Variants in TRAP1 observed in about 807,000 individuals in gnomAD.
TRAP1 encodes heat shock protein 75 kDa, mitochondrial.
Under a neutral mutation model 89.1 loss-of-function variants are expected in TRAP1, and 102 were observed. The observed-to-expected ratio is 1.15, with a 90% confidence interval of 0.98 to 1.35. The LOEUF is 1.35. TRAP1 is among the 40% of genes most tolerant of loss of function. The probability of loss-of-function intolerance (pLI) is 0.00; values close to 1 mark genes in which losing one functional copy is unlikely to be tolerated. For missense variants in TRAP1, 1,256 were observed against 945.3 expected, an observed-to-expected ratio of 1.33 and a Z score of -4.31; for synonymous variants, 508 against 388.0, an observed-to-expected ratio of 1.31 and a Z score of -3.64.
intron 1 of TRAP1, among the ~76,000 whole-genome samples, chr16:3,701,692 G>A (rs573506409): frequency 6.6e-6 from 1 of 152,160 alleles, no homozygotes; most frequent in Non-Finnish European, 1.5e-5. Flanking sequence ...GAGCTATGTA[G>A]TGAGTAACAG....
chr16:3,658,637 C>T, intron 17 of TRAP1, 156 bp downstream of exon 17: 3 of 717,688 alleles, frequency 4.2e-6, no homozygotes, highest in Non-Finnish European at 4.6e-6. Context: ...CGCGCCACTG[C>T]ACTCCAGCCT....
chr16:3,662,287 C>G (rs2043126693), intron 15 of TRAP1, 155 bp from the exon 16 acceptor site: 2 of 909,042 alleles, frequency 2.2e-6, no homozygotes, highest in East Asian at 5.4e-5. Flanking sequence ...CCATTACCCA[C>G]TAACTTGTGG....
chr16:3,681,955 C>G (rs192709598), intron 4 of TRAP1, among the ~76,000 whole-genome samples: 111 of 152,230 alleles, frequency 7.3e-4, no homozygotes, highest in Non-Finnish European at 1.5e-3. Flanking sequence ...AATTTTAAGA[C>G]TTCCTATAAA....
chr16:3,672,266 A>G (rs1324440656), intron 10 of TRAP1, among the ~76,000 whole-genome samples: 1 of 152,086 alleles, frequency 6.6e-6, no homozygotes, highest in African/African-American at 2.4e-5. Flanking sequence ...AGGAGGTTGC[A>G]GTGAGCCACG....
chr16:3,665,961 G>C lies in TRAP1; in HGVS notation c.1383+10C>G, dbSNP rs749836303. ...GGCCCAGAAAAAGGCCTGGAACACA[G>C]CTCCTATACCTTGACCTCCTGCTCG... is the stretch of plus-strand genomic sequence containing the variant. On this transcript the variant is annotated intron_variant, in intron 12 of 17. Coordinates refer to ENST00000246957, the MANE Select transcript of TRAP1 (RefSeq NM_016292.3). The C allele has an allele frequency of 6.8e-6, 11 of 1,610,256 alleles. No individual in the cohort carries two copies. The highest frequency in any genetic ancestry group is 1.7e-4 in the Middle Eastern group (1 of 6,036).
At position 3,670,382 on chromosome 16, in the gene TRAP1, C is replaced by CAAA. The variant is rs760902038; in HGVS notation, c.1235+1337_1235+1339dup. 9.8e-3 allele frequency among the ~76,000 whole-genome samples: 224 copies of CAAA among 22,824 alleles called. 23 individuals carry two copies. Among genetic ancestry groups the CAAA allele is most frequent in the East Asian group, 0.04 (25 of 618 alleles). 15.0% of individuals were successfully genotyped at this position (22,824 alleles called of 152,430 possible). On this transcript the variant is annotated intron_variant, in intron 11 of 17. Transcript: ENST00000246957. The stretch of plus-strand genomic sequence containing the variant: ...TGGGCGACAGAGCAAGACTCCGTCT[C>CAAA]AAAAAAAAAAAAAAAAAAAAAAAAA...
chr16:3,692,315 C>T (rs987823633), intron 1 of TRAP1, among the ~76,000 whole-genome samples: 1 of 152,118 alleles, frequency 6.6e-6, no homozygotes, highest in African/African-American at 2.4e-5. Context: ...GTAGGCGGAT[C>T]ACATGAGGTC....
chr16:3,689,297 T>C (rs1171723833), intron 2 of TRAP1, among the ~76,000 whole-genome samples, 160 bp from the exon 3 acceptor site: 2 of 146,418 alleles, frequency 1.4e-5, no homozygotes, highest in Non-Finnish European at 3.0e-5. Flanking sequence ...CAGGCTGGAG[T>C]ACAGTGGCAC....
chr16:3,691,948 G>T (rs1016643001), intron 1 of TRAP1, among the ~76,000 whole-genome samples: 1 of 152,060 alleles, frequency 6.6e-6, no homozygotes, highest in African/African-American at 2.4e-5. Context: ...GTCCCCAGCC[G>T]CACGCAGTTC....
intron 4 of TRAP1, 197 bp from the exon 5 acceptor site, chr16:3,679,987 T>C: frequency 1.8e-6 from 1 of 569,426 alleles, no homozygotes. Context: ...CCCAGCACTA[T>C]GGGAGGCCAA....
chr16:3,659,314 G>A (rs2042928432), intron 16 of TRAP1: 1 of 155,680 alleles, frequency 6.4e-6, no homozygotes, highest in Non-Finnish European at 1.4e-5. Flanking sequence ...TTTCACAGAA[G>A]AGGGAGGAGA....
chr16:3,677,369 G>C lies in TRAP1; in HGVS notation c.704+129C>G, dbSNP rs374939484. 1.3e-5 allele frequency: 16 copies of C among 1,253,450 alleles called. No homozygotes were observed. In the African/African-American group the frequency reaches 2.2e-4, roughly 18 times the overall value. 77.6% of individuals were successfully genotyped at this position (1,253,450 alleles called of 1,614,324 possible). ...AAGTCACTAACTCCCCAAAATGGGAGAGTCAGATTTCATATAAAAAGCCCA... is the reference window on the plus strand; with the variant it reads ...AAGTCACTAACTCCCCAAAATGGGACAGTCAGATTTCATATAAAAAGCCCA... On this transcript the variant is annotated intron_variant, in intron 6 of 17. Transcript: ENST00000246957.
chr16:3,679,580 G>T, intron 5 of TRAP1, 139 bp downstream of exon 5: 1 of 831,018 alleles, frequency 1.2e-6, no homozygotes, highest in Non-Finnish European at 2.0e-6. Context: ...GTCATGTCAT[G>T]AGGTGTTCCC....
chr16:3,680,057 C>G (rs1190046768), intron 4 of TRAP1: 1 of 353,280 alleles, frequency 2.8e-6, no homozygotes, highest in Non-Finnish European at 5.4e-6. Flanking sequence ...TGGTAAAACC[C>G]CATCTCTACT....
intron 1 of TRAP1, among the ~76,000 whole-genome samples, chr16:3,693,446 G>A (rs1424239418): frequency 6.6e-6 from 1 of 151,782 alleles, no homozygotes; most frequent in East Asian, 1.9e-4. Flanking sequence ...TTTGGCATTA[G>A]AGGAGTTCGC....
chr16:3,659,979 G>C (rs1368115428), intron 16 of TRAP1: 1 of 152,096 alleles, frequency 6.6e-6, no homozygotes, highest in Admixed American at 6.6e-5. Flanking sequence ...CACCCGCCTA[G>C]GCCTCCCAAA....
intron 11 of TRAP1, among the ~76,000 whole-genome samples, chr16:3,668,847 G>A (rs3794700): frequency 0.18 from 27,549 of 152,088 alleles, 3,841 homozygotes; most frequent in African/African-American, 0.37. Context: ...GTTTATGCAG[G>A]CTCAGCACAG....
intron 15 of TRAP1, chr16:3,662,521 C>G (rs1240678242): frequency 1.9e-5 from 10 of 528,552 alleles, no homozygotes; most frequent in Non-Finnish European, 3.5e-5. Context: ...GAAGCCCACC[C>G]AAAACCCCCG....
rs759879283 is a variant in TRAP1 at position 3,658,814 on chromosome 16, C to T, written c.1992G>A (p.Leu664=). ...LNQLRASEPG[L]AQLLVDQIYE... is the part of the protein sequence containing the mutation. ...TCACCTGATCCACCAGCAGCTGAGC[C>T]AGGCCAGGCTCGCTTGCGCGCAGCT... is the stretch of plus-strand genomic sequence containing the variant. Residue 664 remains leucine (L), a synonymous_variant, in exon 17 of 18, where the codon CTG becomes CTA. Coordinates refer to ENST00000246957, the MANE Select transcript of TRAP1 (RefSeq NM_016292.3). 3 of 1,613,874 alleles carry T rather than the reference C, an allele frequency of 1.9e-6. No homozygotes were observed. Among genetic ancestry groups the T allele is most frequent in the East Asian group, 2.2e-5 (1 of 44,882 alleles).
Sources: gnomAD v4.1 joint callset for allele counts (sites outside exome capture counted in the v4.1 genomes callset) on GRCh38, gnomAD v4.1.1 for gene constraint, MANE v1.5 for transcripts, NCBI Gene and HGNC (gene_info 2026-07-23, HGNC 2026-07-21) for gene names.